CACNA2D1: variants seen among roughly 807,000 people sequenced by gnomAD.
CACNA2D1 encodes the protein calcium voltage-gated channel auxiliary subunit alpha2delta 1.
Under a neutral mutation model 171.5 loss-of-function variants are expected in CACNA2D1, and 53 were observed. The observed-to-expected ratio is 0.31, with a 90% CI of 0.25 to 0.39. CACNA2D1 has a LOEUF of 0.39. Among genes scored for constraint, CACNA2D1 ranks in the 10% least tolerant of loss-of-function variants. The probability of loss-of-function intolerance (pLI) is 1.00; values close to 1 mark genes in which losing one functional copy is unlikely to be tolerated. For synonymous variants in CACNA2D1, 442 were observed against 443.1 expected (o/e 1.00, Z 0.03); for missense variants, 903 against 1,299.8 (o/e 0.69, Z 4.69).
chr7:82,190,907 G>C (rs1003568313), intron 3 of CACNA2D1, among the ~76,000 whole-genome samples: 10 of 151,718 alleles, frequency 6.6e-5, no homozygotes, highest in African/African-American at 2.4e-4. Context: ...TTAAAAGGGA[G>C]AGAATGCCAT....
intron 12 of CACNA2D1, among the ~76,000 whole-genome samples, chr7:82,031,591 ATTAAT>A (rs1400378131): frequency 1.3e-5 from 2 of 151,942 alleles, no homozygotes; most frequent in Non-Finnish European, 2.9e-5. Context: ...GCAGAGTTTA[ATTAAT>A]TTGAAATTAT....
chr7:81,983,345 C>G lies in CACNA2D1; in HGVS notation c.1874-11G>C. 1 of 1,608,342 alleles carries G rather than the reference C, an allele frequency of 6.2e-7. No individual in the cohort carries two copies. The highest frequency in any genetic ancestry group is 2.2e-5 in the East Asian group (1 of 44,618). ...TTTTGCCCTTTTTTGCTGTGAAAATCCATCAGAAAGAGAAAGCAGGGAAAC... is the reference window on the plus strand; with the variant it reads ...TTTTGCCCTTTTTTGCTGTGAAAATGCATCAGAAAGAGAAAGCAGGGAAAC... On this transcript the variant is annotated splice_polypyrimidine_tract_variant and intron_variant, in intron 22 of 38. Transcript: ENST00000356860.
At chr7:82,371,198 A>C (rs1002105666) in intron 1 of CACNA2D1, among the ~76,000 whole-genome samples, 38 of 152,214 alleles carry the variant, frequency 2.5e-4, no homozygotes, top group Non-Finnish European at 5.4e-4. Context: ...AGGCTAATTC[A>C]CACCTAGTCA....
At chr7:82,343,825 C>T (rs1442043988) in intron 2 of CACNA2D1, among the ~76,000 whole-genome samples, 1 of 152,110 alleles carries the variant, frequency 6.6e-6, no homozygotes, top group Non-Finnish European at 1.5e-5. Context: ...TAACCATAGG[C>T]TGAGTGAGCT....
chr7:82,209,865 A>G (rs928199455), intron 3 of CACNA2D1, among the ~76,000 whole-genome samples: 8 of 152,136 alleles, frequency 5.3e-5, no homozygotes, highest in Non-Finnish European at 7.4e-5. Context: ...TATTTTTGGT[A>G]CTTTCAGACC....
chr7:82,376,357 A>G (rs1174096035), intron 1 of CACNA2D1, among the ~76,000 whole-genome samples: 1 of 152,226 alleles, frequency 6.6e-6, no homozygotes, highest in Non-Finnish European at 1.5e-5. Flanking sequence ...TGACAATGAC[A>G]ACCTAACACT....
At chr7:82,393,740 T>C (rs895497885) in intron 1 of CACNA2D1, among the ~76,000 whole-genome samples, 4 of 152,190 alleles carry the variant, frequency 2.6e-5, no homozygotes, top group African/African-American at 9.7e-5. Flanking sequence ...CAAGACAGGA[T>C]AAAACTCTTA....
chr7:82,315,403 A>G (rs1217014876), intron 3 of CACNA2D1, among the ~76,000 whole-genome samples: 4 of 152,162 alleles, frequency 2.6e-5, no homozygotes, highest in Non-Finnish European at 5.9e-5. Flanking sequence ...AAAAAAAGCA[A>G]CAGCAGCAAT....
chr7:82,373,810 A>G (rs1458119197), intron 1 of CACNA2D1, among the ~76,000 whole-genome samples: 2 of 152,240 alleles, frequency 1.3e-5, no homozygotes, highest in East Asian at 1.9e-4. Flanking sequence ...AAATCTATGC[A>G]TTAGTGTATC....
chr7:82,316,072 C>T (rs1815083916), intron 3 of CACNA2D1, among the ~76,000 whole-genome samples: 1 of 151,756 alleles, frequency 6.6e-6, no homozygotes, highest in South Asian at 2.1e-4. Flanking sequence ...TTTTACTTGA[C>T]AAATGATAAG....
At chr7:82,354,217 C>T (rs1276915412) in intron 1 of CACNA2D1, among the ~76,000 whole-genome samples, 1 of 152,176 alleles carries the variant, frequency 6.6e-6, no homozygotes, top group Non-Finnish European at 1.5e-5. Flanking sequence ...TTTCTGAAGG[C>T]TCCTGTGTCA....
chr7:82,327,473 T>C (rs1816794770), intron 3 of CACNA2D1, among the ~76,000 whole-genome samples: 1 of 152,246 alleles, frequency 6.6e-6, no homozygotes, highest in South Asian at 2.1e-4. Flanking sequence ...CCCTAATTTT[T>C]CCATTCACCA....
At chr7:81,963,796 T>A (rs1794416943) in intron 34 of CACNA2D1, among the ~76,000 whole-genome samples, 1 of 152,068 alleles carries the variant, frequency 6.6e-6, no homozygotes, top group South Asian at 2.1e-4. Context: ...AATAGATATG[T>A]AGAGGAAGGA....
intron 3 of CACNA2D1, among the ~76,000 whole-genome samples, chr7:82,248,914 G>A (rs1805272539): frequency 6.6e-6 from 1 of 151,918 alleles, no homozygotes; most frequent in South Asian, 2.1e-4. Flanking sequence ...TCAGAAGATC[G>A]AGACCATCCT....
Position 82,355,018 on chromosome 7 carries a change from G to A in CACNA2D1, c.96-5369C>T, listed in dbSNP as rs551274306. Among the ~76,000 whole-genome samples, 7 of 152,196 alleles carry A rather than the reference G, an allele frequency of 4.6e-5. No individual in the cohort carries two copies. In the East Asian group the frequency reaches 1.4e-3, roughly 29 times the overall value. ...TTTATCATAATATTTATAAGAAACT[G>A]TGAAAATACCATATTACCAGATTTC... On this transcript the variant is annotated intron_variant, in intron 1 of 38. Coordinates refer to ENST00000356860, the MANE Select transcript of CACNA2D1 (RefSeq NM_000722.4).
intron 2 of CACNA2D1, among the ~76,000 whole-genome samples, chr7:82,346,301 T>C (rs1348801773): frequency 6.6e-6 from 1 of 152,196 alleles, no homozygotes; most frequent in Non-Finnish European, 1.5e-5. Context: ...TTATACAATG[T>C]CACCAAGTAA....
At chr7:82,364,984 C>T (rs1821517436) in intron 1 of CACNA2D1, among the ~76,000 whole-genome samples, 1 of 152,056 alleles carries the variant, frequency 6.6e-6, no homozygotes, top group African/African-American at 2.4e-5. Flanking sequence ...GACCAATTCT[C>T]CCTCAATTTA....
intron 6 of CACNA2D1, among the ~76,000 whole-genome samples, chr7:82,102,156 A>C (rs910239424): frequency 6.6e-6 from 1 of 152,132 alleles, no homozygotes; most frequent in African/African-American, 2.4e-5. Flanking sequence ...TAGAAGATTG[A>C]AAATAAGAGA....
rs1169691935 is a variant in CACNA2D1 at position 82,032,860 on chromosome 7, T to G, written c.1080A>C (p.Leu360=). The G allele has an allele frequency of 6.2e-7, 1 of 1,603,958 alleles. No homozygotes were observed. The highest frequency in any genetic ancestry group is 8.5e-7 in the Non-Finnish European group (1 of 1,171,704). ...SRANCNKIIM[L]FTDGGEERAQ... Reference sequence around the variant, plus strand: ...CTCTCTCTTCTCCTCCATCCGTGAATAGCATAATAATCTTATTGCAGTTTG... The same window carrying G: ...CTCTCTCTTCTCCTCCATCCGTGAAGAGCATAATAATCTTATTGCAGTTTG... Residue 360 remains leucine, a synonymous_variant, in exon 12 of 39, where the codon CTA becomes CTC. Transcript: ENST00000356860.
Sources: gnomAD v4.1 joint callset for allele counts (sites outside exome capture counted in the v4.1 genomes callset) on GRCh38, gnomAD v4.1.1 for gene constraint, MANE v1.5 for transcripts, NCBI Gene and HGNC (gene_info 2026-07-23, HGNC 2026-07-21) for gene names.